CACNA2D3: variants seen among roughly 807,000 people sequenced by gnomAD.
CACNA2D3 encodes calcium voltage-gated channel auxiliary subunit alpha2delta 3, also known as voltage-dependent calcium channel subunit alpha-2/delta-3.
CACNA2D3 carries 60 observed loss-of-function variants against 160.6 expected under a neutral mutation model. The observed-to-expected ratio is 0.37, with a 90% CI of 0.30 to 0.46. The LOEUF is 0.46. Among genes scored for constraint, CACNA2D3 ranks in the 20% least tolerant of loss-of-function variants. The probability of loss-of-function intolerance (pLI) is 1.00; values close to 1 mark genes in which losing one functional copy is unlikely to be tolerated. For synonymous variants in CACNA2D3, 558 were observed against 492.9 expected, an observed-to-expected ratio of 1.13 and a Z score of -1.75; for missense variants, 1,205 against 1,365.0, an observed-to-expected ratio of 0.88 and a Z score of 1.85.
chr3:55,049,932 CT>C (rs1427755877), intron 35 of CACNA2D3, among the ~76,000 whole-genome samples: 1 of 150,420 alleles, frequency 6.6e-6, no homozygotes, highest in Non-Finnish European at 1.5e-5. Context: ...CAACCCCTGC[CT>C]TTTTTTGTTT....
At chr3:54,231,183 T>A (rs1701763352) in intron 2 of CACNA2D3, among the ~76,000 whole-genome samples, 1 of 152,152 alleles carries the variant, frequency 6.6e-6, no homozygotes, top group Non-Finnish European at 1.5e-5. Flanking sequence ...GGATAGGGTC[T>A]CTAGGAAGTG....
At chr3:54,417,797 G>GT (rs1699778447) in intron 4 of CACNA2D3, among the ~76,000 whole-genome samples, 17 of 61,776 alleles carry the variant, frequency 2.8e-4, no homozygotes, top group African/African-American at 6.5e-4. Context: ...TGTGTGTGTG[G>GT]GGGGGGGGGT....
At position 54,338,950 on chromosome 3, in the gene CACNA2D3, A is replaced by T. The variant is rs560374629; in HGVS notation, c.321+18392A>T. On this transcript the variant is annotated intron_variant, in intron 3 of 37. Transcript: ENST00000474759. ...ATCACCACAGACATTCCAGCATCCC[A>T]GTAGCCAGGTTATTTTCTCTAACCC... Among the ~76,000 whole-genome samples the T allele has an allele frequency of 9.8e-5, 15 of 152,296 alleles. No individual in the cohort carries two copies. In the East Asian group the frequency reaches 2.7e-3, roughly 27 times the overall value.
Position 54,126,782 on chromosome 3 carries a change from T to C in CACNA2D3, c.204+3188T>C, listed in dbSNP as rs563237612. Among the ~76,000 whole-genome samples the C allele has an allele frequency of 9.8e-5, 15 of 152,330 alleles. No homozygotes were observed. In the East Asian group the frequency reaches 2.9e-3, roughly 29 times the overall value. On this transcript the variant is annotated intron_variant, in intron 2 of 37. Transcript: ENST00000474759. ...GCCGCTGTATGCCTGTGTGCTGCCT[T>C]GCTAAGCTGGCAGATACTGCAGGGG...
At chr3:54,514,002 T>C (rs1701503459) in intron 5 of CACNA2D3, among the ~76,000 whole-genome samples, 1 of 152,240 alleles carries the variant, frequency 6.6e-6, no homozygotes, top group African/African-American at 2.4e-5. Context: ...ACACTTTATA[T>C]GTGCGGCAAA....
At chr3:54,155,983 G>A (rs1030410061) in intron 2 of CACNA2D3, among the ~76,000 whole-genome samples, 8 of 152,140 alleles carry the variant, frequency 5.3e-5, no homozygotes, top group South Asian at 2.1e-4. Context: ...TACCAAACAC[G>A]TTATTCTCTT....
intron 9 of CACNA2D3, among the ~76,000 whole-genome samples, chr3:54,613,588 T>C (rs1366911997): frequency 6.6e-6 from 1 of 152,216 alleles, no homozygotes; most frequent in Non-Finnish European, 1.5e-5. Context: ...CTACAGCATG[T>C]CATTCCATCT....
At chr3:54,129,376 C>T (rs757942957) in intron 2 of CACNA2D3, among the ~76,000 whole-genome samples, 1 of 152,162 alleles carries the variant, frequency 6.6e-6, no homozygotes, top group Non-Finnish European at 1.5e-5. Flanking sequence ...TTTCAACTTC[C>T]ATTTGCTTTG....
At chr3:54,232,799 A>G (rs957772270) in intron 2 of CACNA2D3, among the ~76,000 whole-genome samples, 2 of 152,218 alleles carry the variant, frequency 1.3e-5, no homozygotes, top group African/African-American at 4.8e-5. Flanking sequence ...AAATTATGCG[A>G]TTAGAGTAGA....
intron 27 of CACNA2D3, among the ~76,000 whole-genome samples, chr3:54,959,665 A>T (rs938113079): frequency 2.6e-5 from 4 of 152,142 alleles, no homozygotes; most frequent in African/African-American, 9.7e-5. Context: ...AAGGACATTG[A>T]TTTGTGCAGC....
chr3:54,752,534 C>A, intron 11 of CACNA2D3, 65 bp from the exon 12 acceptor site: 2 of 1,052,834 alleles, frequency 1.9e-6, no homozygotes, highest in Non-Finnish European at 2.9e-6. Context: ...GTGAGCCATG[C>A]ATGTGATCTG....
chr3:54,245,261 T>C (rs1702050553), intron 2 of CACNA2D3, among the ~76,000 whole-genome samples: 1 of 152,132 alleles, frequency 6.6e-6, no homozygotes, highest in Admixed American at 6.6e-5. Flanking sequence ...CCAAGATGTC[T>C]TTTTATTTTT....
intron 4 of CACNA2D3, among the ~76,000 whole-genome samples, chr3:54,443,610 C>G (rs965131750): frequency 3.3e-5 from 5 of 152,142 alleles, no homozygotes; most frequent in Non-Finnish European, 5.9e-5. Context: ...CCTGGTGGAG[C>G]AGACAGATCC....
chr3:54,504,091 T>C (rs1190749274), intron 5 of CACNA2D3, among the ~76,000 whole-genome samples: 4 of 152,222 alleles, frequency 2.6e-5, no homozygotes, highest in African/African-American at 9.6e-5. Context: ...CCTGATGTGG[T>C]ACCTTTGTTT....
At chr3:54,536,640 G>A (rs1701893858) in intron 5 of CACNA2D3, among the ~76,000 whole-genome samples, 1 of 152,200 alleles carries the variant, frequency 6.6e-6, no homozygotes, top group African/African-American at 2.4e-5. Flanking sequence ...TGGGTAGGTG[G>A]CCAGTGAACA....
chr3:54,709,033 G>A (rs1700906374), intron 11 of CACNA2D3, among the ~76,000 whole-genome samples: 1 of 142,340 alleles, frequency 7.0e-6, no homozygotes, highest in African/African-American at 2.6e-5. Context: ...TTTTCAAGAT[G>A]GAGTCTTGCT....
intron 9 of CACNA2D3, among the ~76,000 whole-genome samples, chr3:54,597,500 A>T (rs1335544047): frequency 1.3e-5 from 2 of 152,142 alleles, no homozygotes; most frequent in African/African-American, 2.4e-5. Flanking sequence ...AAGGGTGTCT[A>T]GCCCATCGAA....
At position 54,507,212 on chromosome 3, in the gene CACNA2D3, T is replaced by C. The variant is rs575755177; in HGVS notation, c.544+3558T>C. On this transcript the variant is annotated intron_variant, in intron 5 of 37. Transcript: ENST00000474759. Reference sequence around the variant, plus strand: ...TTTGTTCACTGAACACACCTTCCTTTTTCTTCCATTGTAGTGTATTTCACT... The same window carrying C: ...TTTGTTCACTGAACACACCTTCCTTCTTCTTCCATTGTAGTGTATTTCACT... Among the ~76,000 whole-genome samples the C allele has an allele frequency of 7.9e-5, 12 of 152,332 alleles. No homozygotes were observed. In the South Asian group the frequency reaches 1.2e-3, roughly 16 times the overall value.
intron 27 of CACNA2D3, chr3:54,927,921 T>G: frequency 6.2e-7 from 1 of 1,613,638 alleles, no homozygotes. Flanking sequence ...TGACTGAGTC[T>G]CCTTGGGCGT....
Sources: gnomAD v4.1 joint callset for allele counts (sites outside exome capture counted in the v4.1 genomes callset) on GRCh38, gnomAD v4.1.1 for gene constraint, MANE v1.5 for transcripts, NCBI Gene and HGNC (gene_info 2026-07-23, HGNC 2026-07-21) for gene names.